LNX1: variants seen among roughly 807,000 people sequenced by gnomAD.
LNX1 encodes ligand of numb-protein X 1, also known as E3 ubiquitin-protein ligase LNX.
LNX1 carries 54 observed loss-of-function variants against 68.4 expected under a neutral mutation model. The ratio of observed to expected loss-of-function variants is 0.79; its 90% confidence interval spans 0.63 to 0.99. LNX1 has a LOEUF of 0.99. Among genes scored for constraint, LNX1 ranks in the 50% least tolerant of loss-of-function variants. The pLI is 0.00. For synonymous variants in LNX1, 336 were observed against 350.0 expected (o/e 0.96, Z 0.45); for missense variants, 906 against 926.4 (o/e 0.98, Z 0.29).
intron 2 of LNX1, among the ~76,000 whole-genome samples, chr4:53,541,015 T>C (rs1728724413): frequency 6.6e-6 from 1 of 151,730 alleles, no homozygotes; most frequent in Non-Finnish European, 1.5e-5. Context: ...TGCTTGCCTG[T>C]AATCCCAGCT....
chr4:53,495,385 C>T (rs1294276348), intron 6 of LNX1, among the ~76,000 whole-genome samples: 1 of 152,042 alleles, frequency 6.6e-6, no homozygotes, highest in East Asian at 1.9e-4. Flanking sequence ...CAGTCATGAA[C>T]TCTACTTGCC....
chr4:53,481,540 T>C (rs1337169884), intron 7 of LNX1, among the ~76,000 whole-genome samples, 180 bp downstream of exon 7: 4 of 152,244 alleles, frequency 2.6e-5, no homozygotes, highest in Admixed American at 2.6e-4. Flanking sequence ...CCTGCTTGGA[T>C]GGGAGACACC....
At chr4:53,600,527 T>C (rs1357065726) in intron 2 of LNX1, among the ~76,000 whole-genome samples, 1 of 151,954 alleles carries the variant, frequency 6.6e-6, no homozygotes, top group Non-Finnish European at 1.5e-5. Flanking sequence ...AATTAAAGAA[T>C]ACAAGAAAGA....
At chr4:53,605,448 G>C (rs989332410) in intron 2 of LNX1, among the ~76,000 whole-genome samples, 3 of 152,012 alleles carry the variant, frequency 2.0e-5, no homozygotes, top group African/African-American at 4.8e-5. Context: ...GGGGGGTAAA[G>C]TACCTAAATA....
chr4:53,582,238 C>G (rs1731880161), intron 1 of LNX1, among the ~76,000 whole-genome samples: 1 of 152,204 alleles, frequency 6.6e-6, no homozygotes, highest in Admixed American at 6.5e-5. Flanking sequence ...AGGTGTGCCA[C>G]TAAACTTCAC....
chr4:53,534,670 T>G (rs1267854488), intron 2 of LNX1, among the ~76,000 whole-genome samples: 3 of 152,182 alleles, frequency 2.0e-5, no homozygotes, highest in African/African-American at 7.2e-5. Flanking sequence ...CTAGGCCCTG[T>G]ATTTTGGTCA....
chr4:53,608,422 C>G (rs1257014454), intron 2 of LNX1, among the ~76,000 whole-genome samples: 1 of 152,188 alleles, frequency 6.6e-6, no homozygotes, highest in African/African-American at 2.4e-5. Flanking sequence ...GATACCATCT[C>G]ACACCAGTCA....
At chr4:53,629,105 C>T (rs1577811300) in intron 1 of LNX1, among the ~76,000 whole-genome samples, 2 of 152,340 alleles carry the variant, frequency 1.3e-5, no homozygotes, top group South Asian at 4.1e-4. Context: ...CCATAAACCA[C>T]TTGTACCCCC....
rs1731327776 is a variant in LNX1, at chr4:53,573,923, T to C, written c.80A>G (p.His27Arg). ...CGQAHSLEEN[H>R]FYSYPEEVDD... ...CACTTCCTCTGGATAGCTGTAGAAG[T>C]GGTTTTCCTCCAAGGAGTGGGCTTG... Residue 27 changes from histidine to arginine, a missense_variant, in exon 2 of 11, where the codon CAC becomes CGC. Physicochemically the swap from His to Arg is conservative, Grantham distance 29. Coordinates refer to ENST00000263925, the MANE Select transcript of LNX1 (RefSeq NM_001126328.3). 3 of 1,613,656 alleles carry C rather than the reference T, an allele frequency of 1.9e-6. No individual in the cohort carries two copies. Among genetic ancestry groups the C allele is most frequent in the Non-Finnish European group, 2.5e-6 (3 of 1,179,816 alleles).
In LNX1 at chr4:53,581,465, T is replaced by G. The variant is rs114905757; in HGVS notation, c.-86-7377A>C. ...CTGTATTAGTCCATTTTCATACTGC[T>G]ATGAAGAAATTACCCAAGACTGGGT... On this transcript the variant is annotated intron_variant, in intron 1 of 10. Coordinates refer to ENST00000263925, the MANE Select transcript of LNX1 (RefSeq NM_001126328.3). 4.0e-3 allele frequency among the ~76,000 whole-genome samples: 616 copies of G among 152,292 alleles called. 4 individuals carry two copies. Among genetic ancestry groups the G allele is most frequent in the African/African-American group, 0.014 (589 of 41,562 alleles).
intron 6 of LNX1, among the ~76,000 whole-genome samples, chr4:53,493,839 T>C (rs1423690882): frequency 6.6e-6 from 1 of 152,218 alleles, no homozygotes. Context: ...TGCCCTTCTC[T>C]TTTCAGCTCT....
intron 1 of LNX1, among the ~76,000 whole-genome samples, chr4:53,649,142 C>T (rs573220794): frequency 3.9e-5 from 6 of 152,276 alleles, no homozygotes; most frequent in African/African-American, 1.2e-4. Context: ...GTTTCTTTTA[C>T]AATGCCAAAA....
rs1721761323 is a variant in LNX1, at chr4:53,460,462, C to G, written c.*445G>C. 1 of 193,230 alleles carries G rather than the reference C, an allele frequency of 5.2e-6. No homozygotes were observed. Among genetic ancestry groups the G allele is most frequent in the Non-Finnish European group, 1.1e-5 (1 of 93,186 alleles). 12.0% of individuals were successfully genotyped at this position (193,230 alleles called of 1,614,324 possible). On this transcript the variant is annotated 3_prime_UTR_variant, in exon 11 of 11. Coordinates refer to ENST00000263925, the MANE Select transcript of LNX1 (RefSeq NM_001126328.3). ...ACATACTAAAAGACAACTATAACTTCTGAAAAATATTTATTCTTGTTTGAT... is the reference window on the plus strand; with the variant it reads ...ACATACTAAAAGACAACTATAACTTGTGAAAAATATTTATTCTTGTTTGAT...
At chr4:53,502,043 C>T (rs1167835262) in intron 4 of LNX1, 1 of 152,210 alleles carries the variant, frequency 6.6e-6, no homozygotes, top group Non-Finnish European at 1.5e-5. Context: ...TATGATCTGA[C>T]CTTCACCTCA....
intron 2 of LNX1, among the ~76,000 whole-genome samples, chr4:53,536,899 T>C (rs761690234): frequency 3.9e-5 from 6 of 152,238 alleles, no homozygotes; most frequent in Non-Finnish European, 8.8e-5. Context: ...AGATGTAGAA[T>C]TTCTGCTCCA....
At chr4:53,600,620 AG>A (rs1732957374) in intron 2 of LNX1, among the ~76,000 whole-genome samples, 1 of 152,198 alleles carries the variant, frequency 6.6e-6, no homozygotes, top group Admixed American at 6.5e-5. Flanking sequence ...ATATAATAAT[AG>A]GGGAAGTTCA....
At chr4:53,623,946 A>C (rs1235063444) in intron 1 of LNX1, among the ~76,000 whole-genome samples, 1 of 152,186 alleles carries the variant, frequency 6.6e-6, no homozygotes, top group African/African-American at 2.4e-5. Context: ...ACAAACTTGC[A>C]TCAAAAGATC....
chr4:53,586,825 T>C (rs1732201046), intron 1 of LNX1, among the ~76,000 whole-genome samples: 1 of 152,228 alleles, frequency 6.6e-6, no homozygotes, highest in Non-Finnish European at 1.5e-5. Flanking sequence ...AAATAAAAAA[T>C]AATGATTATT....
chr4:53,550,357 T>C (rs2109695742), intron 2 of LNX1, among the ~76,000 whole-genome samples: 1 of 152,366 alleles, frequency 6.6e-6, no homozygotes, highest in South Asian at 2.1e-4. Context: ...CCATTTCCTC[T>C]GTAAACTCTA....
Sources: allele counts gnomAD v4.1 joint callset (sites outside exome capture counted in the v4.1 genomes callset), GRCh38; gene constraint gnomAD v4.1.1; transcripts MANE v1.5; gene names NCBI Gene and HGNC (gene_info 2026-07-23, HGNC 2026-07-21).